The following NDUFAF5 variants were observed in gnomAD, a reference collection of about 807,000 sequenced individuals.
NDUFAF5 encodes NADH:ubiquinone oxidoreductase complex assembly factor 5.
NDUFAF5 carries 34 observed loss-of-function variants against 48.9 expected under a neutral mutation model. That is an observed-to-expected ratio of 0.70 (90% CI 0.53 to 0.93). The LOEUF (loss-of-function observed/expected upper bound fraction) is 0.93. Among genes scored for constraint, NDUFAF5 ranks in the 40% least tolerant of loss-of-function variants. NDUFAF5 has a pLI of 0.00. For synonymous variants in NDUFAF5, 153 were observed against 150.6 expected, an observed-to-expected ratio of 1.02 and a Z score of -0.12; for missense variants, 428 against 427.5, an observed-to-expected ratio of 1.00 and a Z score of -0.01.
intron 6 of NDUFAF5, among the ~76,000 whole-genome samples, chr20:13,799,826 A>G (rs1267216938): frequency 6.6e-6 from 1 of 152,156 alleles, no homozygotes. Context: ...AAGGAAGAGT[A>G]TTTAGGACTC....
intron 8 of NDUFAF5, chr20:13,816,262 T>C (rs928147277): frequency 4.8e-6 from 3 of 625,440 alleles, no homozygotes; most frequent in Non-Finnish European, 8.7e-6. Context: ...TGTCTTAATG[T>C]TGAAAAAGTT....
At chr20:13,814,574 A>G in intron 8 of NDUFAF5, 1 of 866,406 alleles carries the variant, frequency 1.2e-6, no homozygotes, top group Non-Finnish European at 1.6e-6. Flanking sequence ...ACTGTAATAA[A>G]TTAGGTTTAT....
chr20:13,795,066 G>A, intron 5 of NDUFAF5, 125 bp downstream of exon 5: 1 of 698,868 alleles, frequency 1.4e-6, no homozygotes, highest in Non-Finnish European at 2.6e-6. Flanking sequence ...GCCGAGGCGA[G>A]TGAATCTCTT....
chr20:13,809,456 A>G (rs1027879308), intron 8 of NDUFAF5, among the ~76,000 whole-genome samples: 1 of 152,240 alleles, frequency 6.6e-6, no homozygotes, highest in Non-Finnish European at 1.5e-5. Flanking sequence ...TGAGGCAAGG[A>G]GAACAGCATA....
At position 13,802,683 on chromosome 20, in the gene NDUFAF5, A is replaced by AAG. The variant is rs1555835161; in HGVS notation, c.717+1001_717+1002insGA. 2.6e-4 allele frequency among the ~76,000 whole-genome samples: 39 copies of AAG among 148,936 alleles called. 1 individual carries two copies. The highest frequency in any genetic ancestry group is 2.2e-4 in the Non-Finnish European group (15 of 67,238). On this transcript the variant is annotated intron_variant, in intron 7 of 10. Transcript: ENST00000378106. ...GAAATTCCCGTCTCAAAAAAAAAAA[A>AAG]AAAAAAAGCAAATGTTACTCACCTC...
intron 8 of NDUFAF5, 84 bp downstream of exon 8, chr20:13,808,986 C>G (rs1985471809): frequency 1.1e-6 from 1 of 902,840 alleles, no homozygotes; most frequent in Non-Finnish European, 1.8e-6. Flanking sequence ...TTGAGAGAAA[C>G]ATTTTGAGAG....
chr20:13,801,844 G>A, intron 7 of NDUFAF5, 161 bp downstream of exon 7: 1 of 635,306 alleles, frequency 1.6e-6, no homozygotes, highest in Non-Finnish European at 2.7e-6. Context: ...ACAATGTTTA[G>A]TTTGTATAAC....
chr20:13,803,274 C>T (rs957412412), intron 7 of NDUFAF5: 1 of 152,168 alleles, frequency 6.6e-6, no homozygotes, highest in Non-Finnish European at 1.5e-5. Context: ...ACACCTGTGA[C>T]TAGTGTTGAT....
rs1239458796 is a variant in NDUFAF5 at position 13,785,031 on chromosome 20, C to G, written c.-38C>G. ...GACACAAAAGCCGCGCTGGCGCATGCGCACAAAAAGCGCCGGCAATTGGGG... is the reference window on the plus strand; with the variant it reads ...GACACAAAAGCCGCGCTGGCGCATGGGCACAAAAAGCGCCGGCAATTGGGG... On this transcript the variant is annotated 5_prime_UTR_variant, in exon 1 of 11. Coordinates refer to ENST00000378106, the MANE Select transcript of NDUFAF5 (RefSeq NM_024120.5). 1 of 1,570,636 alleles carries G rather than the reference C, an allele frequency of 6.4e-7. No homozygotes were observed. The highest frequency in any genetic ancestry group is 2.3e-5 in the East Asian group (1 of 44,124).
chr20:13,813,395 T>G (rs1467808401), intron 8 of NDUFAF5, among the ~76,000 whole-genome samples: 1 of 152,214 alleles, frequency 6.6e-6, no homozygotes, highest in Non-Finnish European at 1.5e-5. Context: ...TAAGAGAAAT[T>G]ATTTACACTT....
At chr20:13,792,714 T>G (rs1982484823) in intron 3 of NDUFAF5, among the ~76,000 whole-genome samples, 1 of 152,158 alleles carries the variant, frequency 6.6e-6, no homozygotes, top group Non-Finnish European at 1.5e-5. Flanking sequence ...GTTTTTCTGG[T>G]GCAGAAATAG....
intron 7 of NDUFAF5, among the ~76,000 whole-genome samples, chr20:13,808,083 CATCTGGCCCTGTGTTCTATA>C (rs369476018): frequency 8.5e-5 from 13 of 152,188 alleles, no homozygotes; most frequent in Non-Finnish European, 1.3e-4. Flanking sequence ...GTAGCTGTGC[CATCTGGCCCTGTGTTCTATA>C]ATCTGGCCCT....
At chr20:13,817,007 T>C in intron 10 of NDUFAF5, 50 bp downstream of exon 10, 1 of 1,544,926 alleles carries the variant, frequency 6.5e-7, no homozygotes, top group Non-Finnish European at 9.0e-7. Flanking sequence ...GTGTTCAGAT[T>C]ATTGTTTACT....
intron 7 of NDUFAF5, among the ~76,000 whole-genome samples, chr20:13,807,205 C>A (rs1236578321): frequency 6.6e-6 from 1 of 152,158 alleles, no homozygotes; most frequent in African/African-American, 2.4e-5. Context: ...AACCACCATG[C>A]CTGGCTAATT....
At chr20:13,807,864 G>A (rs890124324) in intron 7 of NDUFAF5, among the ~76,000 whole-genome samples, 2 of 151,830 alleles carry the variant, frequency 1.3e-5, no homozygotes, top group Non-Finnish European at 2.9e-5. Context: ...CACAAGAATC[G>A]CTTGAGTTCA....
rs11349642 is a variant in NDUFAF5 at position 13,807,948 on chromosome 20, TAAA to T, written c.718-882_718-880del. Among the ~76,000 whole-genome samples the T allele has an allele frequency of 4.8e-3, 714 of 148,202 alleles. 8 individuals are homozygous for T. The highest frequency in any genetic ancestry group is 0.016 in the African/African-American group (646 of 40,172). Reference sequence around the variant, plus strand: ...TGGGCAACACAGCAAGAATCCGTCTTAAAAAAAAAAAAAATTATTTTAGGCTAG... The same window carrying T: ...TGGGCAACACAGCAAGAATCCGTCTTAAAAAAAAAAATTATTTTAGGCTAG... On this transcript the variant is annotated intron_variant, in intron 7 of 10. Coordinates refer to ENST00000378106, the MANE Select transcript of NDUFAF5 (RefSeq NM_024120.5).
At chr20:13,808,503 G>T (rs943251028) in intron 7 of NDUFAF5, among the ~76,000 whole-genome samples, 1 of 152,136 alleles carries the variant, frequency 6.6e-6, no homozygotes, top group Non-Finnish European at 1.5e-5. Context: ...AACATGTAAG[G>T]ATCTCCAGAT....
At chr20:13,810,855 A>T (rs182336718) in intron 8 of NDUFAF5, among the ~76,000 whole-genome samples, 1 of 152,260 alleles carries the variant, frequency 6.6e-6, no homozygotes, top group Admixed American at 6.5e-5. Context: ...ATGTTTGAAA[A>T]CAAGAAGTTC....
intron 6 of NDUFAF5, among the ~76,000 whole-genome samples, chr20:13,800,097 A>G (rs763904891): frequency 6.6e-6 from 1 of 152,248 alleles, no homozygotes; most frequent in Non-Finnish European, 1.5e-5. Context: ...TCCAGGGAAT[A>G]GGCAGTTGAA....
Sources: gnomAD v4.1 joint callset for allele counts (sites outside exome capture counted in the v4.1 genomes callset) on GRCh38, gnomAD v4.1.1 for gene constraint, MANE v1.5 for transcripts, NCBI Gene and HGNC (gene_info 2026-07-23, HGNC 2026-07-21) for gene names.